The following FREM1 variants were observed in gnomAD, a reference collection of about 807,000 sequenced individuals.
FREM1 encodes FRAS1 related extracellular matrix 1, also known as FRAS1-related extracellular matrix protein 1.
FREM1 carries 220 observed loss-of-function variants against 210.1 expected under a neutral mutation model. The ratio of observed to expected loss-of-function variants is 1.05; its 90% confidence interval spans 0.94 to 1.17. The LOEUF is 1.17. Ranked by LOEUF, FREM1 falls within the 50% of genes most tolerant of loss-of-function variation. The pLI, the probability that FREM1 is intolerant of heterozygous loss-of-function variation, is 0.00. For missense variants in FREM1, 3,454 were observed against 2,675.5 expected (o/e 1.29, Z -6.42); for synonymous variants, 1,189 against 980.2 (o/e 1.21, Z -3.98).
In FREM1 at chr9:14,891,605, T is replaced by TGA. The variant is rs559301007; in HGVS notation, c.-268+18307_-268+18308dup. ...GCAAGGGTGGTAAGTGCAGTAATGGTGAGATATATTTTATGGTATAGGACT... is the reference window on the plus strand; with the variant it reads ...GCAAGGGTGGTAAGTGCAGTAATGGTGAGAGATATATTTTATGGTATAGGACT... On this transcript the variant is annotated intron_variant, in intron 1 of 36. Coordinates refer to ENST00000380880, the MANE Select transcript of FREM1 (RefSeq NM_001379081.2). Among the ~76,000 whole-genome samples, 554 of 152,120 alleles carry TGA rather than the reference T, an allele frequency of 3.6e-3. 5 individuals carry two copies. The highest frequency in any genetic ancestry group is 0.013 in the African/African-American group (525 of 41,508).
Position 14,737,318 on chromosome 9 carries a change from T to A in FREM1, c.*78A>T, listed in dbSNP as rs1840567515. Reference sequence around the variant, plus strand: ...CCCACTCAATCATAACAATTTGTTTTCTATGGAGCAATATTCACAGATCCT... The same window carrying A: ...CCCACTCAATCATAACAATTTGTTTACTATGGAGCAATATTCACAGATCCT... On this transcript the variant is annotated 3_prime_UTR_variant, in exon 37 of 37. Coordinates refer to ENST00000380880, the MANE Select transcript of FREM1 (RefSeq NM_001379081.2). 9.2e-7 allele frequency: 1 copy of A among 1,083,378 alleles called. No individual in the cohort carries two copies. Among genetic ancestry groups the A allele is most frequent in the African/African-American group, 1.6e-5 (1 of 63,712 alleles). 67.1% of individuals were successfully genotyped at this position (1,083,378 alleles called of 1,614,324 possible).
Position 14,816,860 on chromosome 9 carries a change from T to A in FREM1, c.2558A>T (p.Asp853Val). ...LHTLKVRYQH[D>V]GTEVLQDDLL... ...GTCATCCTGAAGAACTTCAGTTCCATCATGTTGATACCTGTGGGGATAATA... is the reference window on the plus strand; with the variant it reads ...GTCATCCTGAAGAACTTCAGTTCCAACATGTTGATACCTGTGGGGATAATA... Residue 853 changes from aspartate (D) to valine (V), a missense_variant, in exon 15 of 37, where the codon GAT (aspartate) becomes GTT (valine). Asp to Val is a radical substitution (Grantham distance 152). Transcript: ENST00000380880. 7.3e-7 allele frequency: 1 copy of A among 1,368,856 alleles called. No homozygotes were observed. The highest frequency in any genetic ancestry group is 1.4e-5 in the African/African-American group (1 of 71,190). The allele number at this position is 1,368,856 out of a possible 1,614,324, so 84.8% of individuals were successfully genotyped here. A position where few individuals can be genotyped will look rare whatever the true frequency, so the allele number is the denominator to read the frequency against.
chr9:14,739,472 AT>A (rs1563802138), intron 36 of FREM1, among the ~76,000 whole-genome samples: 37 of 100,658 alleles, frequency 3.7e-4, no homozygotes, highest in African/African-American at 1.5e-3. Context: ...ATATATATAT[AT>A]ATAATTCATA....
chr9:14,776,267 A>G, intron 24 of FREM1, 64 bp from the exon 25 acceptor site: 1 of 1,475,606 alleles, frequency 6.8e-7, no homozygotes, highest in South Asian at 1.5e-5. Context: ...CTGGAATGAA[A>G]TGATAACAAT....
intron 3 of FREM1, among the ~76,000 whole-genome samples, chr9:14,860,994 T>TATATAC (rs1564104229): frequency 1.9e-5 from 2 of 102,778 alleles, no homozygotes; most frequent in African/African-American, 6.2e-5. Flanking sequence ...CATATATACA[T>TATATAC]ATATATACAC....
At chr9:14,806,055 T>C (rs1404907742) in intron 18 of FREM1, among the ~76,000 whole-genome samples, 1 of 152,222 alleles carries the variant, frequency 6.6e-6, no homozygotes, top group Non-Finnish European at 1.5e-5. Context: ...GTATCCTGTG[T>C]TGCTATGAGG....
At chr9:14,861,405 G>C (rs1830549036) in intron 3 of FREM1, among the ~76,000 whole-genome samples, 1 of 147,802 alleles carries the variant, frequency 6.8e-6, no homozygotes, top group African/African-American at 2.5e-5. Context: ...ATATGTAATG[G>C]GGTACATGAG....
chr9:14,808,329 T>A (rs985176035), intron 16 of FREM1, among the ~76,000 whole-genome samples, 195 bp from the exon 17 acceptor site: 13 of 152,214 alleles, frequency 8.5e-5, no homozygotes, highest in Non-Finnish European at 1.5e-5. Context: ...TTCTTGCCCA[T>A]CTGTTGCCTC....
intron 29 of FREM1, among the ~76,000 whole-genome samples, chr9:14,755,469 G>A (rs1028842139): frequency 1.3e-5 from 2 of 152,102 alleles, no homozygotes; most frequent in Non-Finnish European, 2.9e-5. Context: ...GCTTCTCCAG[G>A]CCCATTGTAT....
chr9:14,882,795 C>T (rs1835021005), intron 1 of FREM1, among the ~76,000 whole-genome samples: 1 of 150,442 alleles, frequency 6.6e-6, no homozygotes, highest in East Asian at 2.0e-4. Context: ...ATACTTTCCT[C>T]TTTCAAAAAT....
intron 1 of FREM1, among the ~76,000 whole-genome samples, chr9:14,907,621 A>C (rs1818004226): frequency 6.6e-6 from 1 of 152,232 alleles, no homozygotes; most frequent in Admixed American, 6.5e-5. Context: ...TCCCATTGTA[A>C]GGAATGGCTA....
chr9:14,899,521 T>C (rs1411293865), intron 1 of FREM1, among the ~76,000 whole-genome samples: 5 of 152,198 alleles, frequency 3.3e-5, no homozygotes, highest in Non-Finnish European at 7.3e-5. Context: ...TCTGATTAGA[T>C]GTCTCATTTG....
intron 25 of FREM1, among the ~76,000 whole-genome samples, chr9:14,771,072 T>C (rs971116470): frequency 1.3e-5 from 2 of 152,096 alleles, no homozygotes; most frequent in African/African-American, 2.4e-5. Flanking sequence ...AGGATACAAG[T>C]TCCGAGAGGG....
intron 13 of FREM1, among the ~76,000 whole-genome samples, chr9:14,820,832 G>C (rs1448254300): frequency 6.6e-6 from 1 of 152,228 alleles, no homozygotes; most frequent in Non-Finnish European, 1.5e-5. Flanking sequence ...GAGAAAGAAA[G>C]AGAGGGAGCT....
At chr9:14,890,784 C>G (rs968504834) in intron 1 of FREM1, among the ~76,000 whole-genome samples, 8 of 152,178 alleles carry the variant, frequency 5.3e-5, no homozygotes, top group Non-Finnish European at 1.2e-4. Context: ...GTAGAGAAAA[C>G]TGATTGCAGA....
intron 21 of FREM1, among the ~76,000 whole-genome samples, chr9:14,797,064 C>G (rs2133190688): frequency 6.6e-6 from 1 of 152,238 alleles, no homozygotes; most frequent in South Asian, 2.1e-4. Flanking sequence ...GATTTATTTC[C>G]CTCCGCCACG....
chr9:14,864,319 C>T lies in FREM1; in HGVS notation c.235-416G>A, dbSNP rs749756284. Among the ~76,000 whole-genome samples the T allele has an allele frequency of 9.3e-4, 142 of 152,162 alleles. 5 individuals carry two copies. The highest frequency in any genetic ancestry group is 8.8e-4 in the Non-Finnish European group (60 of 68,024). On this transcript the variant is annotated intron_variant, in intron 2 of 36. Coordinates refer to ENST00000380880, the MANE Select transcript of FREM1 (RefSeq NM_001379081.2). The stretch of plus-strand genomic sequence containing the variant: ...ATGAAAAGGCATGCTTTAACCCACC[C>T]ACAAACACACTGTATTCTTTCTGTA...
Position 14,805,112 on chromosome 9 carries a change from G to A in FREM1, c.3315C>T (p.Asn1105=), listed in dbSNP as rs1308746341. The A allele has an allele frequency of 2.5e-6, 4 of 1,598,974 alleles. No homozygotes were observed. Among genetic ancestry groups the A allele is most frequent in the Non-Finnish European group, 3.4e-6 (4 of 1,170,864 alleles). Residue 1105 remains asparagine, a synonymous_variant, in exon 19 of 37, where the codon AAC becomes AAT. Transcript: ENST00000380880. ...QWKDMNAFHI[N]YVQSRHLRIE... ...TCCTCAGATGCCTGGACTGCACATA[G>A]TTAATGTGAAAAGCGTTCATGTCTT...
Position 14,828,648 on chromosome 9 carries a change from G to GGGGGGC in FREM1, c.1882-3657_1882-3656insGCCCCC, listed in dbSNP as rs1564023201. On this transcript the variant is annotated intron_variant, in intron 10 of 36. Transcript: ENST00000380880. ...GAACATAAATTGTGGCGGGGCGGGG[G>GGGGGGC]AGGTGCCGGGGTAGAATGTTATGGC... is the stretch of plus-strand genomic sequence containing the variant. Among the ~76,000 whole-genome samples, 3 of 127,768 alleles carry GGGGGGC rather than the reference G, an allele frequency of 2.3e-5. No homozygotes were observed. The East Asian group carries it at 6.8e-4, about 29-fold the overall frequency. The allele number at this position is 127,768 out of a possible 152,430, so 83.8% of individuals were successfully genotyped here.
Sources: gnomAD v4.1 joint callset for allele counts (sites outside exome capture counted in the v4.1 genomes callset) on GRCh38, gnomAD v4.1.1 for gene constraint, MANE v1.5 for transcripts, NCBI Gene and HGNC (gene_info 2026-07-23, HGNC 2026-07-21) for gene names.